PLD5: variants seen among roughly 807,000 people sequenced by gnomAD.
PLD5 encodes phospholipase D family member 5.
Under a neutral mutation model 61.1 loss-of-function variants are expected in PLD5, and 36 were observed. The observed-to-expected ratio is 0.59, with a 90% CI of 0.45 to 0.78. The LOEUF (loss-of-function observed/expected upper bound fraction) is 0.78, where lower values mean the gene tolerates loss of function less well. Ranked by LOEUF, PLD5 falls within the 30% of genes least tolerant of loss-of-function variation. The probability of loss-of-function intolerance (pLI) is 0.00; values close to 1 mark genes in which losing one functional copy is unlikely to be tolerated. For synonymous variants in PLD5, 243 were observed against 242.8 expected, an observed-to-expected ratio of 1.00 and a Z score of -0.01; for missense variants, 515 against 644.4, an observed-to-expected ratio of 0.80 and a Z score of 2.17.
At chr1:242,399,583 C>T (rs1408867258) in intron 1 of PLD5, among the ~76,000 whole-genome samples, 1 of 152,018 alleles carries the variant, frequency 6.6e-6, no homozygotes, top group Non-Finnish European at 1.5e-5. Flanking sequence ...AAGAATTCTT[C>T]TTGATTAGGT....
intron 1 of PLD5, among the ~76,000 whole-genome samples, chr1:242,371,648 T>C (rs1220063991): frequency 6.6e-6 from 1 of 151,986 alleles, no homozygotes; most frequent in Non-Finnish European, 1.5e-5. Context: ...CCAAACCTCC[T>C]CTTGATTCAA....
intron 1 of PLD5, among the ~76,000 whole-genome samples, chr1:242,464,428 G>T (rs1262504514): frequency 3.9e-5 from 6 of 152,248 alleles, no homozygotes; most frequent in Middle Eastern, 3.4e-3. Flanking sequence ...CCTTACCTCA[G>T]TTACGGCAAT....
chr1:242,286,155 T>C (rs1675010496), intron 3 of PLD5, among the ~76,000 whole-genome samples: 1 of 152,092 alleles, frequency 6.6e-6, no homozygotes, highest in South Asian at 2.1e-4. Flanking sequence ...AAGGGAAGAA[T>C]TTAAATGGCT....
chr1:242,102,623 C>CT (rs1660770010), intron 8 of PLD5, among the ~76,000 whole-genome samples: 1 of 152,264 alleles, frequency 6.6e-6, no homozygotes, highest in Admixed American at 6.5e-5. Flanking sequence ...CAGAGATTCC[C>CT]TACCTAGTTC....
intron 5 of PLD5, among the ~76,000 whole-genome samples, chr1:242,169,378 A>G (rs61357381): frequency 0.33 from 50,115 of 151,902 alleles, 8,514 homozygotes; most frequent in South Asian, 0.44. Flanking sequence ...GCCATGAGGG[A>G]CTGAATCTGA....
Position 242,089,810 on chromosome 1 carries a change from A to G in PLD5, c.*44T>C, listed in dbSNP as rs201775648. ...TTTTCTCTCCTCAAGTCCTTTATGT[A>G]TAAATATGAAATACAGAGCTGTCCT... On this transcript the variant is annotated 3_prime_UTR_variant, in exon 10 of 10. Coordinates refer to ENST00000536534, the MANE Select transcript of PLD5 (RefSeq NM_001372062.1). 3.1e-6 allele frequency: 5 copies of G among 1,607,800 alleles called. No homozygotes were observed. Among genetic ancestry groups the G allele is most frequent in the Non-Finnish European group, 4.3e-6 (5 of 1,175,012 alleles).
intron 5 of PLD5, among the ~76,000 whole-genome samples, chr1:242,150,200 A>T (rs975444486): frequency 6.6e-6 from 1 of 151,668 alleles, no homozygotes. Context: ...TCAATTTTTG[A>T]AATGTATAAC....
At chr1:242,114,204 G>A (rs577940736) in intron 6 of PLD5, among the ~76,000 whole-genome samples, 178 bp from the exon 7 acceptor site, 6 of 152,284 alleles carry the variant, frequency 3.9e-5, no homozygotes, top group South Asian at 2.1e-4. Flanking sequence ...AAAGATCAAA[G>A]TGTGGTAGGA....
At chr1:242,210,745 C>A (rs1350929601) in intron 5 of PLD5, 1 of 152,150 alleles carries the variant, frequency 6.6e-6, no homozygotes, top group Non-Finnish European at 1.5e-5. Flanking sequence ...TATAAAATGG[C>A]CCCACCCCTA....
At chr1:242,266,333 G>T (rs1313188632) in intron 3 of PLD5, among the ~76,000 whole-genome samples, 1 of 152,066 alleles carries the variant, frequency 6.6e-6, no homozygotes, top group Admixed American at 6.6e-5. Context: ...GTGAACCAAG[G>T]TTGCACCAGA....
At chr1:242,378,441 A>G (rs1346867047) in intron 1 of PLD5, among the ~76,000 whole-genome samples, 2 of 152,198 alleles carry the variant, frequency 1.3e-5, no homozygotes, top group African/African-American at 4.8e-5. Context: ...GATGGTGGCA[A>G]TGACAGCACA....
chr1:242,187,280 T>C (rs1025561513), intron 5 of PLD5, among the ~76,000 whole-genome samples: 2 of 152,190 alleles, frequency 1.3e-5, no homozygotes, highest in Non-Finnish European at 2.9e-5. Flanking sequence ...GAGAGACCTA[T>C]GGGGTTTTCA....
intron 1 of PLD5, among the ~76,000 whole-genome samples, chr1:242,415,889 CTTG>C (rs1207457353): frequency 6.9e-6 from 1 of 144,466 alleles, no homozygotes; most frequent in Non-Finnish European, 1.5e-5. Context: ...GTGAAAGTAT[CTTG>C]TTTAGTGGAT....
At chr1:242,247,559 G>A (rs1398328899) in intron 4 of PLD5, among the ~76,000 whole-genome samples, 2 of 152,178 alleles carry the variant, frequency 1.3e-5, no homozygotes, top group East Asian at 3.9e-4. Flanking sequence ...TATTTTGTCA[G>A]TCTTATGATC....
intron 5 of PLD5, among the ~76,000 whole-genome samples, chr1:242,217,928 T>C (rs1315969722): frequency 6.6e-6 from 1 of 152,218 alleles, no homozygotes. Flanking sequence ...GTGAACATTG[T>C]TGAAATAAAA....
intron 9 of PLD5, among the ~76,000 whole-genome samples, chr1:242,091,439 A>T (rs1047813493): frequency 3.3e-5 from 5 of 152,176 alleles, no homozygotes; most frequent in Non-Finnish European, 7.3e-5. Flanking sequence ...CTAACAAGGC[A>T]TGTTCCTTGC....
Position 242,407,108 on chromosome 1 carries a change from G to A in PLD5, c.190-58866C>T, listed in dbSNP as rs73130392. ...CCTGGTAGGAGGTAATTGAACCCTGGGGGCGGGTCTTTCTCATGATAGTGA... is the reference window on the plus strand; with the variant it reads ...CCTGGTAGGAGGTAATTGAACCCTGAGGGCGGGTCTTTCTCATGATAGTGA... On this transcript the variant is annotated intron_variant, in intron 1 of 9. Transcript: ENST00000536534. Among the ~76,000 whole-genome samples, 969 of 152,206 alleles carry A rather than the reference G, an allele frequency of 6.4e-3. 21 individuals are homozygous for A. The highest frequency in any genetic ancestry group is 0.022 in the African/African-American group (930 of 41,524).
At chr1:242,477,032 T>A (rs1443248185) in intron 1 of PLD5, among the ~76,000 whole-genome samples, 1 of 152,128 alleles carries the variant, frequency 6.6e-6, no homozygotes, top group African/African-American at 2.4e-5. Flanking sequence ...GGTGGATCAC[T>A]TGAGGTCAGG....
At chr1:242,205,636 C>T (rs1669272421) in intron 5 of PLD5, among the ~76,000 whole-genome samples, 1 of 152,146 alleles carries the variant, frequency 6.6e-6, no homozygotes, top group Non-Finnish European at 1.5e-5. Context: ...AGTTGAATTG[C>T]TTTTTACTTT....
Sources: gnomAD v4.1 joint callset for allele counts (sites outside exome capture counted in the v4.1 genomes callset) on GRCh38, gnomAD v4.1.1 for gene constraint, MANE v1.5 for transcripts, NCBI Gene and HGNC (gene_info 2026-07-23, HGNC 2026-07-21) for gene names.